Variants in NFATC3 observed in about 807,000 individuals in gnomAD.
NFATC3 encodes nuclear factor of activated T cells 3.
In NFATC3, 46 loss-of-function variants were observed where a neutral mutation model predicts 98.6. The observed-to-expected ratio is 0.47, with a 90% CI of 0.37 to 0.60. The LOEUF is 0.60. Among genes scored for constraint, NFATC3 ranks in the 20% least tolerant of loss-of-function variants. The pLI is 0.00. For synonymous variants in NFATC3, 512 were observed against 472.2 expected, an observed-to-expected ratio of 1.08 and a Z score of -1.09; for missense variants, 1,256 against 1,295.5, an observed-to-expected ratio of 0.97 and a Z score of 0.47.
intron 9 of NFATC3, among the ~76,000 whole-genome samples, chr16:68,216,228 A>T (rs969652281): frequency 1.3e-5 from 2 of 152,190 alleles, no homozygotes; most frequent in Non-Finnish European, 2.9e-5. Flanking sequence ...GGACAAGATT[A>T]TTCAGAGGAA....
intron 9 of NFATC3, 198 bp from the exon 10 acceptor site, chr16:68,226,151 GA>G: frequency 7.8e-6 from 4 of 513,038 alleles, no homozygotes; most frequent in South Asian, 3.5e-5. Context: ...GAATGAGAGA[GA>G]AAAAGAGGTC....
Position 68,191,505 on chromosome 16 carries a change from C to G in NFATC3, c.2836C>G (p.Gln946Glu), listed in dbSNP as rs748300762. Residue 946 changes from glutamine to glutamate, a missense_variant, in exon 9 of 10, where the codon CAG (glutamine) becomes GAG (glutamate). This residue lies in a region of NFATC3 where 636 missense variants were observed against 617.3 expected (regional missense o/e 1.03). Transcript: ENST00000346183. ...SSPLSGPPSPQLQPMPYQSPS... is the reference protein window; with the variant it reads ...SSPLSGPPSPELQPMPYQSPS... ...ACCGCTTTCTGGGCCACCATCTCCT[C>G]AGCTTCAGCCTATGCCTTACCAATC... is the stretch of plus-strand genomic sequence containing the variant. 11 of 1,614,054 alleles carry G rather than the reference C, an allele frequency of 6.8e-6. No individual in the cohort carries two copies. The highest frequency in any genetic ancestry group is 9.3e-6 in the Non-Finnish European group (11 of 1,180,056).
chr16:68,171,635 G>A (rs377503244), intron 5 of NFATC3, among the ~76,000 whole-genome samples: 2 of 151,672 alleles, frequency 1.3e-5, no homozygotes, highest in African/African-American at 2.4e-5. Context: ...CACTGTGCCC[G>A]ACTAATTTTT....
chr16:68,092,179 C>T (rs999557121), intron 1 of NFATC3, among the ~76,000 whole-genome samples: 4 of 152,080 alleles, frequency 2.6e-5, no homozygotes, highest in Admixed American at 6.5e-5. Flanking sequence ...TGAGGCTGGG[C>T]GCGGTGGCTC....
chr16:68,200,125 C>T (rs949598656), intron 9 of NFATC3: 2 of 152,066 alleles, frequency 1.3e-5, no homozygotes, highest in Non-Finnish European at 2.9e-5. Context: ...AGCTTGATCT[C>T]TTTCCCAGTC....
chr16:68,210,844 TG>T (rs2041356586), intron 9 of NFATC3, among the ~76,000 whole-genome samples: 1 of 151,964 alleles, frequency 6.6e-6, no homozygotes, highest in Non-Finnish European at 1.5e-5. Context: ...TGCAGTGGTG[TG>T]ACCTCGGCTC....
intron 3 of NFATC3, among the ~76,000 whole-genome samples, chr16:68,141,925 G>A (rs1474284244): frequency 6.6e-6 from 1 of 152,076 alleles, no homozygotes; most frequent in Non-Finnish European, 1.5e-5. Context: ...TTTCCTGTAG[G>A]ATTTTTATGG....
At chr16:68,128,606 G>C (rs1346198290) in intron 3 of NFATC3, among the ~76,000 whole-genome samples, 1 of 151,616 alleles carries the variant, frequency 6.6e-6, no homozygotes, top group African/African-American at 2.4e-5. Flanking sequence ...AAAAAACAAC[G>C]TTAAAAAACA....
intron 6 of NFATC3, among the ~76,000 whole-genome samples, chr16:68,176,001 C>T (rs918239430): frequency 2.0e-5 from 3 of 151,914 alleles, no homozygotes; most frequent in South Asian, 2.1e-4. Flanking sequence ...TTTTTTGAGA[C>T]GGAGCCTCGC....
Position 68,196,926 on chromosome 16 carries a change from A to T in NFATC3, c.3106+5151A>T, listed in dbSNP as rs8062066. The stretch of plus-strand genomic sequence containing the variant: ...ATCCCTGTAATCCCAGCTACTTGGG[A>T]GGCTGAGGCAGGAGAGTCGCTTGAA... On this transcript the variant is annotated intron_variant, in intron 9 of 9. Coordinates refer to ENST00000346183, the MANE Select transcript of NFATC3 (RefSeq NM_173165.3). 4.6e-3 allele frequency among the ~76,000 whole-genome samples: 700 copies of T among 152,010 alleles called. 7 individuals are homozygous for T. Among genetic ancestry groups the T allele is most frequent in the African/African-American group, 0.017 (685 of 41,450 alleles).
intron 9 of NFATC3, among the ~76,000 whole-genome samples, chr16:68,219,009 C>A (rs1184917051): frequency 1.3e-5 from 2 of 151,840 alleles, no homozygotes; most frequent in African/African-American, 2.4e-5. Context: ...GAGGCCGAGG[C>A]GAGGTAGAAG....
rs1598526658 is a variant in NFATC3, at chr16:68,183,221, T to A, written c.1972-19T>A. 6.4e-7 allele frequency: 1 copy of A among 1,562,566 alleles called. No individual in the cohort carries two copies. Among genetic ancestry groups the A allele is most frequent in the East Asian group, 2.2e-5 (1 of 44,512 alleles). ...ATTTTTAGTTCTGAGTGTAACACAA[T>A]CTTGCTTTCCATCCTTAGGCTCACA... On this transcript the variant is annotated intron_variant, in intron 7 of 9. Transcript: ENST00000346183.
intron 9 of NFATC3, among the ~76,000 whole-genome samples, chr16:68,196,472 A>G (rs2040675778): frequency 6.6e-6 from 1 of 152,158 alleles, no homozygotes; most frequent in Admixed American, 6.6e-5. Flanking sequence ...TGATATTTGG[A>G]TTTGCCTTTG....
chr16:68,163,399 G>A (rs1371227346), intron 4 of NFATC3, among the ~76,000 whole-genome samples: 1 of 151,488 alleles, frequency 6.6e-6, no homozygotes, highest in African/African-American at 2.4e-5. Context: ...GGACGGGGCG[G>A]CTGGCCGGGC....
intron 9 of NFATC3, among the ~76,000 whole-genome samples, chr16:68,199,414 C>T (rs1241814430): frequency 2.0e-5 from 3 of 146,688 alleles, no homozygotes; most frequent in East Asian, 2.1e-4. Context: ...TTAGTAGAGG[C>T]GGGGTTTCAC....
At chr16:68,147,888 AC>A (rs1465922062) in intron 3 of NFATC3, among the ~76,000 whole-genome samples, 1 of 151,754 alleles carries the variant, frequency 6.6e-6, no homozygotes, top group Non-Finnish European at 1.5e-5. Context: ...ATTATTACTT[AC>A]CCCATCTGCC....
chr16:68,191,806 A>C (rs1203053512), intron 9 of NFATC3, 31 bp downstream of exon 9: 4 of 1,609,128 alleles, frequency 2.5e-6, no homozygotes, highest in Non-Finnish European at 3.4e-6. Flanking sequence ...TTCTTGAAGT[A>C]GTGAAGATTC....
chr16:68,192,627 G>A (rs2040493438), intron 9 of NFATC3, among the ~76,000 whole-genome samples: 1 of 152,148 alleles, frequency 6.6e-6, no homozygotes, highest in Non-Finnish European at 1.5e-5. Context: ...GGAAGGCTGA[G>A]GCGGGTAGAT....
intron 1 of NFATC3, among the ~76,000 whole-genome samples, chr16:68,112,727 C>T (rs1443107433): frequency 3.6e-5 from 5 of 140,764 alleles, no homozygotes; most frequent in Non-Finnish European, 4.5e-5. Flanking sequence ...GGCGCAATCT[C>T]GGCTCACTGC....
Sources: gnomAD v4.1 joint callset for allele counts (sites outside exome capture counted in the v4.1 genomes callset) on GRCh38, gnomAD v4.1.1 for gene constraint, gnomAD v4.1.1 regional missense constraint, MANE v1.5 for transcripts, NCBI Gene and HGNC (gene_info 2026-07-23, HGNC 2026-07-21) for gene names.